NAV2: variants seen among roughly 807,000 people sequenced by gnomAD.
The protein encoded by NAV2 is neuron navigator 2.
NAV2 carries 54 observed loss-of-function variants against 223.2 expected under a neutral mutation model. The observed-to-expected ratio is 0.24, with a 90% CI of 0.19 to 0.30. The LOEUF (loss-of-function observed/expected upper bound fraction) is 0.30, where lower values mean the gene tolerates loss of function less well. Among genes scored for constraint, NAV2 ranks in the 10% least tolerant of loss-of-function variants. NAV2 has a pLI of 1.00. For synonymous variants in NAV2, 1,279 were observed against 1,239.3 expected (o/e 1.03, Z -0.67); for missense variants, 2,806 against 3,147.5 (o/e 0.89, Z 2.60).
chr11:20,047,152 T>C (rs1207278471), intron 14 of NAV2, among the ~76,000 whole-genome samples: 1 of 152,238 alleles, frequency 6.6e-6, no homozygotes, highest in East Asian at 1.9e-4. Flanking sequence ...CTCTGTTTCT[T>C]GCCTCAAGTA....
intron 6 of NAV2, among the ~76,000 whole-genome samples, chr11:19,932,835 G>C (rs1431221407): frequency 6.6e-6 from 1 of 152,214 alleles, no homozygotes; most frequent in East Asian, 1.9e-4. Flanking sequence ...CAGGCTATGG[G>C]ATGAATAATT....
chr11:19,584,952 T>A (rs559352700), intron 1 of NAV2, among the ~76,000 whole-genome samples: 1 of 148,936 alleles, frequency 6.7e-6, no homozygotes, highest in Admixed American at 6.8e-5. Context: ...TTCTGTCTCA[T>A]CGATCTGTCT....
At chr11:19,755,114 C>T (rs10741800) in intron 1 of NAV2, among the ~76,000 whole-genome samples, 105,084 of 152,080 alleles carry the variant, frequency 0.69, 36,523 homozygotes, top group East Asian at 0.91. Flanking sequence ...TTTAGCTGTA[C>T]TTTCCAAACA....
chr11:19,485,061 T>G (rs2702712), intron 1 of NAV2, among the ~76,000 whole-genome samples: 1,841 of 152,220 alleles, frequency 0.012, 36 homozygotes, highest in African/African-American at 0.043. Flanking sequence ...GGCTACAGAC[T>G]CAGTTATTCC....
At chr11:19,534,045 T>C (rs1239240982) in intron 1 of NAV2, among the ~76,000 whole-genome samples, 2 of 152,330 alleles carry the variant, frequency 1.3e-5, no homozygotes, top group East Asian at 3.9e-4. Context: ...TGAATTGTTT[T>C]ATCTCAGGAC....
chr11:19,936,862 G>A (rs2045951905), intron 7 of NAV2, among the ~76,000 whole-genome samples: 1 of 152,162 alleles, frequency 6.6e-6, no homozygotes, highest in African/African-American at 2.4e-5. Context: ...TGTAGGCTGG[G>A]CATGGTGGCT....
At chr11:20,042,742 C>T (rs184165735) in intron 12 of NAV2, among the ~76,000 whole-genome samples, 1 of 152,232 alleles carries the variant, frequency 6.6e-6, no homozygotes, top group Non-Finnish European at 1.5e-5. Flanking sequence ...CTTGCCTACT[C>T]TCGGTAGTTA....
At chr11:19,788,708 G>A (rs562052320) in intron 1 of NAV2, among the ~76,000 whole-genome samples, 1 of 152,236 alleles carries the variant, frequency 6.6e-6, no homozygotes, top group East Asian at 1.9e-4. Context: ...GGCCCCGGCT[G>A]CACCATTCTT....
chr11:20,097,401 C>A (rs1034563908), intron 30 of NAV2, among the ~76,000 whole-genome samples, 176 bp from the exon 31 acceptor site: 1 of 152,098 alleles, frequency 6.6e-6, no homozygotes, highest in Non-Finnish European at 1.5e-5. Flanking sequence ...GCCTGTGGTA[C>A]TCGGGCTTTA....
chr11:19,400,229 G>A (rs35544144), intron 1 of NAV2, among the ~76,000 whole-genome samples: 3 of 152,140 alleles, frequency 2.0e-5, no homozygotes, highest in South Asian at 4.1e-4. Flanking sequence ...AAAATCCGAC[G>A]TGGTGTGAGA....
chr11:19,551,308 G>A (rs1416145157), intron 1 of NAV2, among the ~76,000 whole-genome samples: 7 of 152,256 alleles, frequency 4.6e-5, no homozygotes, highest in Non-Finnish European at 8.8e-5. Context: ...AAGTACAGAG[G>A]GGTCAGGACC....
chr11:19,734,319 AC>A, intron 1 of NAV2, among the ~76,000 whole-genome samples: 1 of 152,078 alleles, frequency 6.6e-6, no homozygotes, highest in Middle Eastern at 3.2e-3. Context: ...GAATATGATG[AC>A]CCATTGCCAG....
At chr11:19,481,409 G>C (rs2042276794) in intron 1 of NAV2, among the ~76,000 whole-genome samples, 1 of 152,134 alleles carries the variant, frequency 6.6e-6, no homozygotes. Flanking sequence ...AAAAGCCCCT[G>C]AGCCTCATTT....
intron 11 of NAV2, among the ~76,000 whole-genome samples, chr11:20,004,999 C>T (rs543964686): frequency 2.6e-5 from 4 of 151,736 alleles, no homozygotes; most frequent in African/African-American, 9.7e-5. Context: ...GGCTTACTTG[C>T]GATAATCCCA....
chr11:20,057,137 G>A (rs1006125662), intron 19 of NAV2, among the ~76,000 whole-genome samples: 38 of 151,990 alleles, frequency 2.5e-4, no homozygotes, highest in African/African-American at 4.4e-4. Flanking sequence ...GGTGCTTCCC[G>A]GTCCCCATAT....
At chr11:19,512,212 C>T (rs1478800951) in intron 1 of NAV2, among the ~76,000 whole-genome samples, 3 of 152,070 alleles carry the variant, frequency 2.0e-5, no homozygotes, top group Non-Finnish European at 4.4e-5. Flanking sequence ...CTGATCAACT[C>T]TGAGAGCTGG....
Position 20,103,283 on chromosome 11 carries a change from C to T in NAV2, c.6446C>T (p.Ala2149Val), listed in dbSNP as rs1158819946. 1 of 1,613,906 alleles carries T rather than the reference C, an allele frequency of 6.2e-7. No homozygotes were observed. Among genetic ancestry groups the T allele is most frequent in the African/African-American group, 1.3e-5 (1 of 74,954 alleles). Residue 2149 changes from alanine (A) to valine (V), a missense_variant, in exon 33 of 38, where the codon GCT becomes GTT. Coordinates refer to ENST00000349880, the MANE Select transcript of NAV2 (RefSeq NM_145117.5). ...TTGCGCCAGTACCTGTCCAACCTTG[C>T]TGACCAGTGCAACAGTGAGAACAAT... ...KELRQYLSNLADQCNSENNAV... is the reference protein window; with the variant it reads ...KELRQYLSNLVDQCNSENNAV...
intron 11 of NAV2, among the ~76,000 whole-genome samples, chr11:20,012,940 A>G (rs576346253): frequency 6.6e-6 from 1 of 152,336 alleles, no homozygotes; most frequent in South Asian, 2.1e-4. Flanking sequence ...ATTTCTTCAT[A>G]TAAACTTGGG....
intron 2 of NAV2, among the ~76,000 whole-genome samples, chr11:19,837,437 G>A (rs989487107): frequency 6.6e-6 from 1 of 152,128 alleles, no homozygotes; most frequent in Non-Finnish European, 1.5e-5. Flanking sequence ...TCTCTCTATT[G>A]ATTGCTTATT....
Sources: gnomAD v4.1 joint callset for allele counts (sites outside exome capture counted in the v4.1 genomes callset) on GRCh38, gnomAD v4.1.1 for gene constraint, MANE v1.5 for transcripts, NCBI Gene and HGNC (gene_info 2026-07-23, HGNC 2026-07-21) for gene names.